Variants in IL1RAPL1 observed in about 807,000 individuals in gnomAD.
The protein encoded by IL1RAPL1 is interleukin 1 receptor accessory protein like 1.
In IL1RAPL1, 3 loss-of-function variants were observed where a neutral mutation model predicts 48.4. The observed-to-expected ratio is 0.06, with a 90% CI of 0.03 to 0.16. IL1RAPL1 has a LOEUF of 0.16. Among genes scored for constraint, IL1RAPL1 ranks in the 10% least tolerant of loss-of-function variants. IL1RAPL1 has a pLI of 1.00. For missense variants in IL1RAPL1, 349 were observed against 530.6 expected (o/e 0.66, Z 3.36); for synonymous variants, 185 against 187.7 (o/e 0.99, Z 0.12).
At chrX:29,895,213 T>A (rs1932357338) in intron 6 of IL1RAPL1, among the ~76,000 whole-genome samples, 1 of 111,421 alleles carries the variant, frequency 9.0e-6, no homozygotes, top group Admixed American at 9.6e-5. Flanking sequence ...GGAGGATAAG[T>A]CTTGTTCACT....
chrX:29,396,478 C>T lies in IL1RAPL1; in HGVS notation c.549+34C>T, dbSNP rs749029132. 2.6e-6 allele frequency: 3 copies of T among 1,132,894 alleles called. No homozygotes were observed. The East Asian group carries it at 9.0e-5, about 34-fold the overall frequency. The allele number at this position is 1,132,894 out of a possible 1,213,427, so 93.4% of individuals were successfully genotyped here. A position where few individuals can be genotyped will look rare whatever the true frequency, so the allele number is the denominator to read the frequency against. ...TGCGGGTGGTTCTATTTCCTATTAA[C>T]AAATTAATTGTGCCTTATATTCTGG... On this transcript the variant is annotated intron_variant, in intron 4 of 10. Transcript: ENST00000378993.
intron 2 of IL1RAPL1, among the ~76,000 whole-genome samples, chrX:28,946,143 A>G (rs763047353): frequency 9.1e-6 from 1 of 109,991 alleles, no homozygotes; most frequent in African/African-American, 3.3e-5. Flanking sequence ...ACAGAATACT[A>G]GATGAGGGTT....
At chrX:29,293,088 C>T (rs768267459) in intron 3 of IL1RAPL1, among the ~76,000 whole-genome samples, 1 of 111,468 alleles carries the variant, frequency 9.0e-6, no homozygotes, top group African/African-American at 3.3e-5. Context: ...GACACGAAGA[C>T]ATTTTCTAAT....
At chrX:29,779,484 G>T (rs780931717) in intron 6 of IL1RAPL1, among the ~76,000 whole-genome samples, 1 of 111,114 alleles carries the variant, frequency 9.0e-6, no homozygotes, top group Non-Finnish European at 1.9e-5. Flanking sequence ...TCAATAAACT[G>T]CCTATAGGCT....
At chrX:29,127,261 A>G in intron 2 of IL1RAPL1, among the ~76,000 whole-genome samples, 1 of 111,014 alleles carries the variant, frequency 9.0e-6, no homozygotes, top group Non-Finnish European at 1.9e-5. Context: ...TAGAGACATC[A>G]GAATCACCTG....
intron 2 of IL1RAPL1, among the ~76,000 whole-genome samples, chrX:29,271,647 G>A (rs932383214): frequency 2.7e-5 from 3 of 111,881 alleles, no homozygotes; most frequent in Admixed American, 9.5e-5. Context: ...GTGCTTGTTG[G>A]CTGTGTGTAT....
At chrX:29,891,869 T>G (rs1932281154) in intron 6 of IL1RAPL1, among the ~76,000 whole-genome samples, 1 of 111,699 alleles carries the variant, frequency 9.0e-6, no homozygotes, top group Admixed American at 9.6e-5. Context: ...ATTAATACCA[T>G]CTCAAAGATT....
intron 6 of IL1RAPL1, among the ~76,000 whole-genome samples, chrX:29,668,846 A>T (rs1926070982): frequency 1.8e-5 from 2 of 111,801 alleles, no homozygotes; most frequent in Non-Finnish European, 3.8e-5. Flanking sequence ...AATATCTATT[A>T]ATAGGTTAAG....
chrX:29,167,305 C>G (rs1381554273), intron 2 of IL1RAPL1, among the ~76,000 whole-genome samples: 8 of 109,286 alleles, frequency 7.3e-5, no homozygotes, highest in African/African-American at 2.7e-4. Context: ...CTTCCCCTTC[C>G]CCTTCCCTTC....
intron 2 of IL1RAPL1, among the ~76,000 whole-genome samples, chrX:29,096,480 T>C (rs1928217696): frequency 8.9e-6 from 1 of 111,753 alleles, no homozygotes; most frequent in African/African-American, 3.2e-5. Context: ...ATACCTATAA[T>C]GTAAGGTCAG....
intron 6 of IL1RAPL1, among the ~76,000 whole-genome samples, chrX:29,845,307 G>A (rs1316112719): frequency 9.0e-6 from 1 of 111,506 alleles, no homozygotes; most frequent in African/African-American, 3.3e-5. Flanking sequence ...AACAACAATG[G>A]GAGACAGTGT....
chrX:29,747,467 A>G (rs184039545), intron 6 of IL1RAPL1, among the ~76,000 whole-genome samples: 26 of 112,440 alleles, frequency 2.3e-4, no homozygotes, highest in African/African-American at 8.1e-4. Context: ...ATTTATCAAG[A>G]GGGCTCTTAT....
intron 5 of IL1RAPL1, among the ~76,000 whole-genome samples, chrX:29,529,776 C>T (rs745565696): frequency 1.4e-4 from 15 of 110,355 alleles, no homozygotes; most frequent in Middle Eastern, 4.2e-3. Context: ...AACATACTCT[C>T]GTGGTTCAGA....
At chrX:28,869,517 T>C (rs2147307165) in intron 2 of IL1RAPL1, among the ~76,000 whole-genome samples, 1 of 112,028 alleles carries the variant, frequency 8.9e-6, no homozygotes, top group Non-Finnish European at 1.9e-5. Flanking sequence ...ACTAAGGGGC[T>C]AAAAGAAAGT....
At chrX:29,792,587 AAG>A (rs1368437910) in intron 6 of IL1RAPL1, among the ~76,000 whole-genome samples, 2 of 111,524 alleles carry the variant, frequency 1.8e-5, no homozygotes, top group African/African-American at 6.5e-5. Context: ...GGAAGGAAAA[AAG>A]AGCAAACGTC....
chrX:28,597,760 A>G (rs1933972100), intron 1 of IL1RAPL1, among the ~76,000 whole-genome samples: 1 of 110,091 alleles, frequency 9.1e-6, no homozygotes, highest in African/African-American at 3.3e-5. Flanking sequence ...CAAACAAACC[A>G]CTGCTACCAG....
chrX:28,957,469 G>A (rs1166072358), intron 2 of IL1RAPL1, among the ~76,000 whole-genome samples: 3 of 111,111 alleles, frequency 2.7e-5, no homozygotes, highest in Middle Eastern at 4.7e-3. Context: ...ATTTTATTAT[G>A]TATGTATATG....
intron 2 of IL1RAPL1, among the ~76,000 whole-genome samples, chrX:28,840,744 C>G (rs1921349540): frequency 9.0e-6 from 1 of 110,518 alleles, no homozygotes; most frequent in Admixed American, 9.7e-5. Context: ...AAGACTTAAG[C>G]TTCCGTGTCT....
chrX:29,015,842 G>A (rs754976291), intron 2 of IL1RAPL1, among the ~76,000 whole-genome samples: 3 of 110,443 alleles, frequency 2.7e-5, no homozygotes, highest in Non-Finnish European at 5.8e-5. Flanking sequence ...ACATTCTGAA[G>A]TTTGTACTTT....
Sources: gnomAD v4.1 joint callset for allele counts (sites outside exome capture counted in the v4.1 genomes callset) on GRCh38, gnomAD v4.1.1 for gene constraint, MANE v1.5 for transcripts, NCBI Gene and HGNC (gene_info 2026-07-23, HGNC 2026-07-21) for gene names.